The following PUM1 variants were observed in gnomAD, a reference collection of about 807,000 sequenced individuals.
The protein encoded by PUM1 is pumilio homolog 1.
In PUM1, 13 loss-of-function variants were observed where a neutral mutation model predicts 131.8. The observed-to-expected ratio is 0.10, with a 90% CI of 0.06 to 0.16. The LOEUF (loss-of-function observed/expected upper bound fraction) is 0.16. Ranked by LOEUF, PUM1 falls within the 10% of genes least tolerant of loss-of-function variation. The pLI, the probability that PUM1 is intolerant of heterozygous loss-of-function variation, is 1.00. For missense variants in PUM1, 961 were observed against 1,512.4 expected, an observed-to-expected ratio of 0.64 and a Z score of 6.05; for synonymous variants, 509 against 556.5, an observed-to-expected ratio of 0.91 and a Z score of 1.20.
chr1:31,044,839 T>C (rs1430481948), intron 2 of PUM1, among the ~76,000 whole-genome samples: 2 of 152,156 alleles, frequency 1.3e-5, no homozygotes, highest in African/African-American at 2.4e-5. Flanking sequence ...AGACAGAGTA[T>C]AGCTGTGTCA....
chr1:30,980,281 G>C (rs548235427), intron 8 of PUM1, 118 bp from the exon 9 acceptor site: 1 of 797,038 alleles, frequency 1.3e-6, no homozygotes, highest in South Asian at 1.5e-5. Flanking sequence ...TGAAAAAAGA[G>C]AAGACGGGAC....
At position 30,938,888 on chromosome 1, in the gene PUM1, TAGATAGATAGATAGATAGAC is replaced by T. The variant is rs1206384227; in HGVS notation, c.3243-2073_3243-2054del. ...TCATTCATAGATAGAGATAGATAGA[TAGATAGATAGATAGATAGAC>T]AGACAGACAGACAGACAGACAGACA... On this transcript the variant is annotated intron_variant, in intron 20 of 21. Coordinates refer to ENST00000426105, the MANE Select transcript of PUM1 (RefSeq NM_001020658.2). Among the ~76,000 whole-genome samples, 4 of 102,936 alleles carry T rather than the reference TAGATAGATAGATAGATAGAC, an allele frequency of 3.9e-5. No homozygotes were observed. The Admixed American group carries it at 4.4e-4, about 11-fold the overall frequency. The allele number at this position is 102,936 out of a possible 152,430, so 67.5% of individuals were successfully genotyped here. A position where few individuals can be genotyped will look rare whatever the true frequency, so the allele number is the denominator to read the frequency against.
rs1452446578 is a variant in PUM1, at chr1:30,945,345, C to T, written c.2994+1G>A. 6.2e-7 allele frequency: 1 copy of T among 1,613,976 alleles called. No homozygotes were observed. ...CATTATTTCTCTCCTGGGTCACTTA[C>T]CTGTCCCTTAAACGCATCGATGATA... is the stretch of plus-strand genomic sequence containing the variant. On this transcript the variant is annotated splice_donor_variant, in intron 18 of 21. Coordinates refer to ENST00000426105, the MANE Select transcript of PUM1 (RefSeq NM_001020658.2). LOFTEE classifies it high-confidence loss of function.
At chr1:31,024,394 T>C (rs1355504838) in intron 3 of PUM1, among the ~76,000 whole-genome samples, 3 of 152,244 alleles carry the variant, frequency 2.0e-5, no homozygotes, top group Non-Finnish European at 4.4e-5. Context: ...AATTTAAATA[T>C]ATCTCAGGTT....
intron 2 of PUM1, chr1:31,055,224 C>G (rs1182640062): frequency 2.4e-6 from 1 of 410,562 alleles, no homozygotes; most frequent in African/African-American, 2.1e-5. Flanking sequence ...AATTATGCTA[C>G]CCTTAGCACA....
intron 1 of PUM1, chr1:31,061,624 T>A (rs1311364765): frequency 2.6e-5 from 4 of 151,304 alleles, no homozygotes. Context: ...ATAAAATAAT[T>A]TTTTTAAATT....
chr1:31,015,332 T>C (rs1642772085), intron 3 of PUM1, among the ~76,000 whole-genome samples: 1 of 152,128 alleles, frequency 6.6e-6, no homozygotes, highest in African/African-American at 2.4e-5. Flanking sequence ...TTCAACATAA[T>C]TTCATTTTCT....
At chr1:31,064,784 T>C (rs1186840814) in intron 1 of PUM1, among the ~76,000 whole-genome samples, 1 of 39,558 alleles carries the variant, frequency 2.5e-5, no homozygotes, top group Non-Finnish European at 4.4e-5. Flanking sequence ...GGGGGGGCTA[T>C]AGGAGGGAAA....
chr1:30,977,502 C>T (rs991177217), intron 9 of PUM1, among the ~76,000 whole-genome samples: 3 of 152,186 alleles, frequency 2.0e-5, no homozygotes, highest in Non-Finnish European at 4.4e-5. Flanking sequence ...TACTACTATA[C>T]GCTGGTCACA....
intron 5 of PUM1, among the ~76,000 whole-genome samples, chr1:30,999,153 C>G (rs1207703997): frequency 6.6e-6 from 1 of 152,132 alleles, no homozygotes; most frequent in Non-Finnish European, 1.5e-5. Flanking sequence ...GATGCACACA[C>G]CATGCCTGGC....
Position 30,992,528 on chromosome 1 carries a change from C to T in PUM1, c.1020G>A (p.Met340Ile), listed in dbSNP as rs1397264492. 1.9e-6 allele frequency: 3 copies of T among 1,614,084 alleles called. No individual in the cohort carries two copies. The highest frequency in any genetic ancestry group is 2.2e-5 in the East Asian group (1 of 44,894). Residue 340 changes from methionine to isoleucine, a missense_variant, in exon 7 of 22, where the codon ATG becomes ATA. Around this residue, in one of 4 missense-constraint regions of PUM1, gnomAD observed 654 missense variants for 923.9 expected, o/e 0.71. Transcript: ENST00000426105. The stretch of plus-strand genomic sequence containing the variant: ...GGTCCAAGGGGACACTCTGGGACTC[C>T]ATGTTGGAGAAATCCTCCACAGGCT... ...GAKPVEDFSN[M>I]ESQSVPLDPM...
intron 9 of PUM1, among the ~76,000 whole-genome samples, chr1:30,977,061 T>C (rs943964560): frequency 7.9e-5 from 12 of 152,244 alleles, no homozygotes; most frequent in South Asian, 2.1e-4. Context: ...ACTATGTGTG[T>C]GTCCAAGAGT....
At chr1:31,049,739 T>C (rs971580964) in intron 2 of PUM1, among the ~76,000 whole-genome samples, 6 of 149,686 alleles carry the variant, frequency 4.0e-5, no homozygotes, top group Non-Finnish European at 3.0e-5. Context: ...AGATACATCA[T>C]AAATATCTCT....
intron 2 of PUM1, among the ~76,000 whole-genome samples, chr1:31,053,337 CA>C (rs1644157586): frequency 6.9e-6 from 1 of 144,284 alleles, no homozygotes. Context: ...TATAATTTTA[CA>C]GGCAAAAAAA....
intron 14 of PUM1, among the ~76,000 whole-genome samples, chr1:30,959,691 A>C (rs1640324387): frequency 6.6e-6 from 1 of 152,130 alleles, no homozygotes; most frequent in South Asian, 2.1e-4. Flanking sequence ...GCAGATCATG[A>C]GGTCAGGAGA....
At chr1:30,960,702 T>C (rs536535014) in intron 14 of PUM1, among the ~76,000 whole-genome samples, 1 of 152,246 alleles carries the variant, frequency 6.6e-6, no homozygotes, top group Non-Finnish European at 1.5e-5. Context: ...GTGCAAGACC[T>C]GCACACCAAA....
intron 3 of PUM1, among the ~76,000 whole-genome samples, chr1:31,011,613 G>A (rs1642621289): frequency 2.0e-5 from 3 of 152,324 alleles, no homozygotes; most frequent in Admixed American, 2.0e-4. Context: ...TAAGCTCTCT[G>A]GAGGTAACAT....
At position 30,974,822 on chromosome 1, in the gene PUM1, G is replaced by A. The variant is rs1046336044; in HGVS notation, c.1355-20C>T. The stretch of plus-strand genomic sequence containing the variant: ...CTGGGCCTAAAAATAGCAAAAGAAA[G>A]GTAAAGAAAGTCTGAACTACTGAGG... On this transcript the variant is annotated intron_variant, in intron 9 of 21. Coordinates refer to ENST00000426105, the MANE Select transcript of PUM1 (RefSeq NM_001020658.2). The A allele has an allele frequency of 9.4e-6, 15 of 1,590,728 alleles. No homozygotes were observed. Among genetic ancestry groups the A allele is most frequent in the Non-Finnish European group, 1.2e-5 (14 of 1,167,022 alleles).
At chr1:31,007,833 A>C (rs1394078171) in intron 3 of PUM1, among the ~76,000 whole-genome samples, 1 of 152,216 alleles carries the variant, frequency 6.6e-6, no homozygotes, top group Non-Finnish European at 1.5e-5. Context: ...TACTAGCTTC[A>C]ACAAAAAAAT....
Sources: gnomAD v4.1 joint callset for allele counts (sites outside exome capture counted in the v4.1 genomes callset) on GRCh38, gnomAD v4.1.1 for gene constraint, gnomAD v4.1.1 regional missense constraint, MANE v1.5 for transcripts, NCBI Gene and HGNC (gene_info 2026-07-23, HGNC 2026-07-21) for gene names.